Variants in XRN2 observed in about 807,000 individuals in gnomAD.
XRN2 encodes 5'-3' exoribonuclease 2.
XRN2 carries 44 observed loss-of-function variants against 138.5 expected under a neutral mutation model. The ratio of observed to expected loss-of-function variants is 0.32; its 90% CI spans 0.25 to 0.41. The LOEUF (loss-of-function observed/expected upper bound fraction) is 0.41, where lower values mean the gene tolerates loss of function less well. Ranked by LOEUF, XRN2 falls within the 10% of genes least tolerant of loss-of-function variation. The pLI is 1.00. For missense variants in XRN2, 937 were observed against 1,169.3 expected, an observed-to-expected ratio of 0.80 and a Z score of 2.90; for synonymous variants, 354 against 369.4, an observed-to-expected ratio of 0.96 and a Z score of 0.48.
intron 9 of XRN2, 108 bp from the exon 10 acceptor site, chr20:21,333,436 T>C: frequency 9.1e-7 from 1 of 1,096,706 alleles, no homozygotes; most frequent in Non-Finnish European, 1.4e-6. Context: ...TAAATACTTG[T>C]GATATTAAAA....
intron 24 of XRN2, among the ~76,000 whole-genome samples, chr20:21,359,317 C>T (rs1198194117): frequency 6.6e-6 from 1 of 152,048 alleles, no homozygotes; most frequent in Non-Finnish European, 1.5e-5. Flanking sequence ...GGTGGATCAT[C>T]TGAGATCAGG....
rs2038149922 is a variant in XRN2 at position 21,327,931 on chromosome 20, C to T, written c.316-628C>T. Among the ~76,000 whole-genome samples, 3 of 152,248 alleles carry T rather than the reference C, an allele frequency of 2.0e-5. No individual in the cohort carries two copies. The South Asian group carries it at 6.2e-4, about 32-fold the overall frequency. ...AGTTCACTTTATTTGGGCTTTTCCA[C>T]TGAAATTGCATTTGGTTAGAGTGAT... is the stretch of plus-strand genomic sequence containing the variant. On this transcript the variant is annotated intron_variant, in intron 3 of 29. Transcript: ENST00000377191.
intron 27 of XRN2, among the ~76,000 whole-genome samples, chr20:21,372,856 T>C (rs1037707853): frequency 1.3e-5 from 2 of 151,982 alleles, no homozygotes; most frequent in Admixed American, 1.3e-4. Flanking sequence ...CTGACTGCAG[T>C]ATCATAGTAT....
intron 1 of XRN2, among the ~76,000 whole-genome samples, chr20:21,314,117 C>T (rs1020331310): frequency 2.6e-5 from 4 of 152,192 alleles, no homozygotes; most frequent in Non-Finnish European, 4.4e-5. Context: ...CCTTAAGCAA[C>T]CACTAATCTA....
chr20:21,381,316 C>T (rs1348628196), intron 27 of XRN2, among the ~76,000 whole-genome samples: 4 of 152,090 alleles, frequency 2.6e-5, no homozygotes, highest in Non-Finnish European at 4.4e-5. Flanking sequence ...AGCTGTGGTT[C>T]GCTGATATAG....
At chr20:21,386,175 G>T (rs1213231502) in intron 28 of XRN2, among the ~76,000 whole-genome samples, 1 of 152,216 alleles carries the variant, frequency 6.6e-6, no homozygotes, top group Non-Finnish European at 1.5e-5. Context: ...CTAGTAATCT[G>T]CGACAGCAAA....
chr20:21,370,873 G>A (rs2038754059), intron 27 of XRN2, among the ~76,000 whole-genome samples: 1 of 152,158 alleles, frequency 6.6e-6, no homozygotes, highest in South Asian at 2.1e-4. Context: ...ATGTGCCAGT[G>A]TTTGTTTCTC....
At chr20:21,355,051 GAGT>G (rs1432660252) in intron 21 of XRN2, among the ~76,000 whole-genome samples, 179 bp downstream of exon 21, 1 of 152,088 alleles carries the variant, frequency 6.6e-6, no homozygotes, top group Non-Finnish European at 1.5e-5. Flanking sequence ...TCTGTAAGTT[GAGT>G]AGTAGTTAAA....
intron 14 of XRN2, among the ~76,000 whole-genome samples, chr20:21,339,956 C>G (rs2038350252): frequency 6.6e-6 from 1 of 152,070 alleles, no homozygotes; most frequent in Admixed American, 6.6e-5. Flanking sequence ...TTTATTGTTG[C>G]AGTGGGTTCA....
chr20:21,341,502 C>T (rs576732134), intron 15 of XRN2, among the ~76,000 whole-genome samples: 98 of 152,218 alleles, frequency 6.4e-4, no homozygotes, highest in Middle Eastern at 3.4e-3. Context: ...ATCCAAACTC[C>T]AGAAGCAAAT....
chr20:21,339,154 C>A lies in XRN2; in HGVS notation c.1278+66C>A. The A allele has an allele frequency of 2.7e-6, 4 of 1,477,538 alleles. No homozygotes were observed. The South Asian group carries it at 4.7e-5, about 17-fold the overall frequency. 91.5% of individuals were successfully genotyped at this position (1,477,538 alleles called of 1,614,324 possible). A position where few individuals can be genotyped will look rare whatever the true frequency, so the allele number is the denominator to read the frequency against. On this transcript the variant is annotated intron_variant, in intron 14 of 29. Coordinates refer to ENST00000377191, the MANE Select transcript of XRN2 (RefSeq NM_012255.5). The stretch of plus-strand genomic sequence containing the variant: ...TTTTACAATTTATGAGGAAGATGTT[C>A]ATTACAGTAGCTTTATTCCTTGTCC...
chr20:21,310,727 TTTTTTTATTTTTA>T (rs1363524431), intron 1 of XRN2, among the ~76,000 whole-genome samples: 4 of 151,634 alleles, frequency 2.6e-5, no homozygotes, highest in Admixed American at 1.3e-4. Flanking sequence ...GGGTCTGGCT[TTTTTTTATTTTTA>T]TTTTTTATTT....
chr20:21,318,406 A>G (rs1306668917), intron 1 of XRN2, among the ~76,000 whole-genome samples: 1 of 151,284 alleles, frequency 6.6e-6, no homozygotes, highest in Non-Finnish European at 1.5e-5. Context: ...TCTATTTTTA[A>G]ATTTTCGTTT....
At chr20:21,349,113 G>A (rs1358017112) in intron 19 of XRN2, among the ~76,000 whole-genome samples, 1 of 152,176 alleles carries the variant, frequency 6.6e-6, no homozygotes, top group Non-Finnish European at 1.5e-5. Context: ...GGAAATGTTA[G>A]AGTACGTAAA....
intron 27 of XRN2, among the ~76,000 whole-genome samples, chr20:21,371,715 T>C (rs1027932613): frequency 6.6e-6 from 1 of 152,264 alleles, no homozygotes; most frequent in Non-Finnish European, 1.5e-5. Context: ...TTTTACCATT[T>C]ACATGGATAC....
intron 1 of XRN2, among the ~76,000 whole-genome samples, chr20:21,310,231 CAT>C (rs766981865): frequency 9.8e-5 from 15 of 152,326 alleles, no homozygotes; most frequent in African/African-American, 3.4e-4. Context: ...TTTTCACACA[CAT>C]GGGAGATTTT....
rs2038941712 is a variant in XRN2, at chr20:21,386,890, C to G, written c.2671C>G (p.Leu891Val). ...CAGAGGCGTTGGGGCTGAACCTCTG[C>G]TCCCATGGAACCGGATGCTGCAAAC... ...FDRGVGAEPL[L>V]PWNRMLQTQN... is the part of the protein sequence containing the mutation. Residue 891 changes from leucine (L) to valine (V), a missense_variant, in exon 29 of 30, where the codon CTC becomes GTC. Physicochemically the swap from Leu to Val is conservative, Grantham distance 32 (BLOSUM62 1). Around this residue, in one of 6 missense-constraint regions of XRN2, gnomAD observed 372 missense variants for 414.4 expected, o/e 0.90. Coordinates refer to ENST00000377191, the MANE Select transcript of XRN2 (RefSeq NM_012255.5). 4 of 1,613,772 alleles carry G rather than the reference C, an allele frequency of 2.5e-6. No homozygotes were observed. Among genetic ancestry groups the G allele is most frequent in the Non-Finnish European group, 3.4e-6 (4 of 1,179,652 alleles).
intron 15 of XRN2, among the ~76,000 whole-genome samples, chr20:21,342,321 G>A (rs1283473737): frequency 2.0e-5 from 3 of 151,728 alleles, no homozygotes; most frequent in Non-Finnish European, 4.4e-5. Flanking sequence ...TATATTTAGC[G>A]TTCTTCAGTG....
Position 21,334,153 on chromosome 20 carries a change from G to T in XRN2, c.1201G>T (p.Asp401Tyr). ...CATGTTAGCAGTTGGTGAAGTTGAG[G>T]ATAGCATTTTTAAAAAGAGAAAGGA... ...MIMLAVGEVE[D>Y]SIFKKRKDDE... is the part of the protein sequence containing the mutation. The change falls in exon 13 of 30, where the codon GAT (aspartate) becomes TAT (tyrosine). Residue 401 changes from aspartate (D) to tyrosine (Y), a missense_variant. Coordinates refer to ENST00000377191, the MANE Select transcript of XRN2 (RefSeq NM_012255.5). The T allele has an allele frequency of 1.2e-6, 2 of 1,613,842 alleles. No homozygotes were observed. The highest frequency in any genetic ancestry group is 2.2e-5 in the South Asian group (2 of 91,004).
Sources: gnomAD v4.1 joint callset for allele counts (sites outside exome capture counted in the v4.1 genomes callset) on GRCh38, gnomAD v4.1.1 for gene constraint, gnomAD v4.1.1 regional missense constraint, MANE v1.5 for transcripts, NCBI Gene and HGNC (gene_info 2026-07-23, HGNC 2026-07-21) for gene names.